Variants in FASTKD1 observed in about 807,000 individuals in gnomAD.
FASTKD1 encodes FAST kinase domain-containing protein 1, mitochondrial.
Under a neutral mutation model 90.9 loss-of-function variants are expected in FASTKD1, and 94 were observed. The ratio of observed to expected loss-of-function variants is 1.03; its 90% CI spans 0.88 to 1.23. The LOEUF (loss-of-function observed/expected upper bound fraction) is 1.23. Ranked by LOEUF, FASTKD1 falls within the 50% of genes most tolerant of loss-of-function variation. FASTKD1 has a pLI of 0.00. For synonymous variants in FASTKD1, 319 were observed against 345.8 expected, an observed-to-expected ratio of 0.92 and a Z score of 0.86; for missense variants, 945 against 993.5, an observed-to-expected ratio of 0.95 and a Z score of 0.66.
chr2:169,562,099 ATAATTATTTATTAATTTATTGTAAAT>A (rs1288962355), intron 4 of FASTKD1, among the ~76,000 whole-genome samples: 3,083 of 37,974 alleles, frequency 0.081, 252 homozygotes, highest in Middle Eastern at 0.1. Context: ...TTATTGTAAA[ATAATTATTTATTAATTTATTGTAAAT>A]TAATTATTTA....
intron 13 of FASTKD1, 126 bp from the exon 14 acceptor site, chr2:169,530,827 CAA>C: frequency 3.1e-6 from 2 of 647,628 alleles, no homozygotes; most frequent in Middle Eastern, 3.4e-4. Context: ...ATGAGTATAT[CAA>C]GTTATGTTTC....
chr2:169,546,035 A>G (rs75748689), intron 8 of FASTKD1, among the ~76,000 whole-genome samples, 183 bp downstream of exon 8: 10,727 of 152,134 alleles, frequency 0.071, 422 homozygotes, highest in African/African-American at 0.1. Flanking sequence ...GGGCTCAACC[A>G]ATCCTCCCAC....
At position 169,549,551 on chromosome 2, in the gene FASTKD1, A is replaced by G. The variant is rs116281935; in HGVS notation, c.1215-2847T>C. The stretch of plus-strand genomic sequence containing the variant: ...CGTAATATAGCTCATTGCAGCCTTG[A>G]CCTCCTGGGCTCAAGTACTCCTCCT... On this transcript the variant is annotated intron_variant, in intron 7 of 14. Coordinates refer to ENST00000453153, the MANE Select transcript of FASTKD1 (RefSeq NM_024622.6). Among the ~76,000 whole-genome samples the G allele has an allele frequency of 9.7e-3, 1,478 of 152,124 alleles. 11 individuals are homozygous for G. The highest frequency in any genetic ancestry group is 0.015 in the South Asian group (71 of 4,816).
chr2:169,538,181 A>T, intron 10 of FASTKD1, 40 bp from the exon 11 acceptor site: 2 of 1,550,388 alleles, frequency 1.3e-6, no homozygotes, highest in South Asian at 2.5e-5. Context: ...GATAGCTGAG[A>T]CCTAGGAAAG....
At chr2:169,532,529 A>G (rs1470574197) in intron 12 of FASTKD1, among the ~76,000 whole-genome samples, 1 of 152,164 alleles carries the variant, frequency 6.6e-6, no homozygotes, top group African/African-American at 2.4e-5. Flanking sequence ...CCTAAAAAAA[A>G]AACCTAAAAT....
At chr2:169,561,888 A>AT (rs1683665799) in intron 4 of FASTKD1, among the ~76,000 whole-genome samples, 2 of 141,012 alleles carry the variant, frequency 1.4e-5, no homozygotes, top group Non-Finnish European at 3.0e-5. Context: ...TTTATTGTAA[A>AT]TTATTTATTA....
intron 9 of FASTKD1, 108 bp from the exon 10 acceptor site, chr2:169,540,287 G>A (rs1684911128): frequency 3.6e-6 from 4 of 1,101,648 alleles, no homozygotes; most frequent in Non-Finnish European, 5.0e-6. Flanking sequence ...ACACAGCCTT[G>A]ACAAAACTAA....
At chr2:169,557,047 C>T in intron 6 of FASTKD1, 140 bp downstream of exon 6, 2 of 612,546 alleles carry the variant, frequency 3.3e-6, no homozygotes, top group South Asian at 1.9e-5. Flanking sequence ...CAAAGTAGAA[C>T]ATAAACAGTG....
intron 7 of FASTKD1, among the ~76,000 whole-genome samples, chr2:169,550,495 T>C (rs1685441691): frequency 6.6e-6 from 1 of 152,182 alleles, no homozygotes; most frequent in Non-Finnish European, 1.5e-5. Flanking sequence ...TTTTCTTTTT[T>C]AGAGATAGGG....
chr2:169,539,245 C>T (rs980437153), intron 10 of FASTKD1, among the ~76,000 whole-genome samples: 2 of 150,296 alleles, frequency 1.3e-5, no homozygotes, highest in Non-Finnish European at 3.0e-5. Context: ...GCACTCCAGC[C>T]TGGGAAACAG....
chr2:169,556,185 C>T (rs997100276), intron 6 of FASTKD1, among the ~76,000 whole-genome samples: 1 of 151,832 alleles, frequency 6.6e-6, no homozygotes, highest in Non-Finnish European at 1.5e-5. Context: ...GAAAAACAAA[C>T]CAGCACTTTG....
At position 169,571,771 on chromosome 2, in the gene FASTKD1, T is replaced by C; in HGVS notation, c.259A>G (p.Lys87Glu). ...TGGTCTCTGACATACTCAGCATTTTTTAACAGGCTGGTCTTCTGCTTTTGA... is the reference window on the plus strand; with the variant it reads ...TGGTCTCTGACATACTCAGCATTTTCTAACAGGCTGGTCTTCTGCTTTTGA... ...KLQKQKTSLL[K>E]NAEYVRDHPQ... The change falls in exon 2 of 15, where the codon AAA becomes GAA. Residue 87 changes from lysine (K) to glutamate (E), a missense_variant. By Grantham distance (56) the Lys-to-Glu change is moderately conservative. Coordinates refer to ENST00000453153, the MANE Select transcript of FASTKD1 (RefSeq NM_024622.6). 2 of 1,614,132 alleles carry C rather than the reference T, an allele frequency of 1.2e-6. No individual in the cohort carries two copies. Among genetic ancestry groups the C allele is most frequent in the South Asian group, 2.2e-5 (2 of 91,074 alleles).
intron 3 of FASTKD1, among the ~76,000 whole-genome samples, chr2:169,563,705 A>C (rs1346432005): frequency 6.6e-6 from 1 of 152,190 alleles, no homozygotes; most frequent in African/African-American, 2.4e-5. Context: ...AGAAAATGGC[A>C]AGACAAAAGA....
chr2:169,544,745 C>A lies in FASTKD1; in HGVS notation c.1792G>T (p.Val598Leu), dbSNP rs759405753. 6 of 1,604,654 alleles carry A rather than the reference C, an allele frequency of 3.7e-6. No individual in the cohort carries two copies. The highest frequency in any genetic ancestry group is 2.7e-5 in the African/African-American group (2 of 74,640). ...PQRDEFLGTC[V>L]QHLNSYLGIL... is the part of the protein sequence containing the mutation. ...CCTAAGTAAGAATTAAGATGTTGCA[C>A]GCAAGTTCCCAAAAATTCATCCCTT... Residue 598 changes from valine to leucine, a missense_variant, in exon 9 of 15, where the codon GTG (valine) becomes TTG (leucine). Physicochemically the swap from Val to Leu is conservative, Grantham distance 32. Transcript: ENST00000453153.
At chr2:169,569,008 A>C (rs571737020) in intron 3 of FASTKD1, among the ~76,000 whole-genome samples, 176 bp downstream of exon 3, 42 of 152,052 alleles carry the variant, frequency 2.8e-4, no homozygotes, top group African/African-American at 1.0e-3. Context: ...CAAAAAAAAA[A>C]AAAAAAACAA....
intron 2 of FASTKD1, among the ~76,000 whole-genome samples, chr2:169,570,703 TCTCA>T (rs1684196609): frequency 6.8e-6 from 1 of 146,606 alleles, no homozygotes; most frequent in South Asian, 2.1e-4. Flanking sequence ...GGAGACAGCG[TCTCA>T]CTCTGTCGCC....
intron 9 of FASTKD1, among the ~76,000 whole-genome samples, chr2:169,541,328 ACT>A (rs1382706374): frequency 1.3e-5 from 2 of 152,094 alleles, no homozygotes; most frequent in African/African-American, 2.4e-5. Context: ...AATTTCTAAG[ACT>A]CTATTTGGAG....
chr2:169,555,007 C>CTTTTTTTTACT, intron 7 of FASTKD1, 117 bp downstream of exon 7: 1 of 896,252 alleles, frequency 1.1e-6, no homozygotes, highest in East Asian at 2.8e-5. Context: ...AACATTTTTA[C>CTTTTTTTTACT]TAATAAGCTT....
At chr2:169,547,415 C>T (rs958307616) in intron 7 of FASTKD1, among the ~76,000 whole-genome samples, 2 of 152,112 alleles carry the variant, frequency 1.3e-5, no homozygotes, top group African/African-American at 4.8e-5. Context: ...GACCCACGAT[C>T]AGAAAGGTGG....
Sources: allele counts gnomAD v4.1 joint callset (sites outside exome capture counted in the v4.1 genomes callset), GRCh38; gene constraint gnomAD v4.1.1; transcripts MANE v1.5; gene names NCBI Gene and HGNC (gene_info 2026-07-23, HGNC 2026-07-21).